The following CDH12 variants were observed in gnomAD, a reference collection of about 807,000 sequenced individuals.
The protein encoded by CDH12 is cadherin-12.
A neutral mutation model predicts 74.1 loss-of-function variants in CDH12; 41 were observed. The observed-to-expected ratio is 0.55, with a 90% CI of 0.43 to 0.72. The LOEUF is 0.72. Ranked by LOEUF, CDH12 falls within the 30% of genes least tolerant of loss-of-function variation. CDH12 has a pLI of 0.00. For missense variants in CDH12, 945 were observed against 977.2 expected (o/e 0.97, Z 0.44); for synonymous variants, 399 against 355.0 (o/e 1.12, Z -1.39).
chr5:22,380,242 A>C (rs1454470461), intron 3 of CDH12, among the ~76,000 whole-genome samples: 1 of 152,220 alleles, frequency 6.6e-6, no homozygotes, highest in Non-Finnish European at 1.5e-5. Context: ...CTTAAGCTAC[A>C]TTTAAAAAAT....
In CDH12 at chr5:21,750,924, T is replaced by A. The variant is rs1336776902; in HGVS notation, c.*813A>T. 1 of 148,696 alleles carries A rather than the reference T, an allele frequency of 6.7e-6. No individual in the cohort carries two copies. Among genetic ancestry groups the A allele is most frequent in the Non-Finnish European group, 1.5e-5 (1 of 67,372 alleles). 9.2% of individuals were successfully genotyped at this position (148,696 alleles called of 1,614,324 possible). On this transcript the variant is annotated 3_prime_UTR_variant, in exon 15 of 15. Coordinates refer to ENST00000382254, the MANE Select transcript of CDH12 (RefSeq NM_004061.5). Reference sequence around the variant, plus strand: ...TGTAATTTGAGCCCTGAGGCCTCTCTTTATAAAGAGGAATATTTTTTCTTT... The same window carrying A: ...TGTAATTTGAGCCCTGAGGCCTCTCATTATAAAGAGGAATATTTTTTCTTT...
At chr5:21,791,493 A>C (rs1746495441) in intron 10 of CDH12, among the ~76,000 whole-genome samples, 1 of 152,006 alleles carries the variant, frequency 6.6e-6, no homozygotes, top group South Asian at 2.1e-4. Context: ...ACAGTATAAC[A>C]TGAACTGTGT....
At chr5:22,835,091 T>G (rs1736766197) in intron 1 of CDH12, among the ~76,000 whole-genome samples, 1 of 152,158 alleles carries the variant, frequency 6.6e-6, no homozygotes, top group Non-Finnish European at 1.5e-5. Flanking sequence ...GAGAAGGATT[T>G]CGAAGATGTC....
At chr5:22,207,903 G>A (rs1192538699) in intron 4 of CDH12, among the ~76,000 whole-genome samples, 1 of 152,118 alleles carries the variant, frequency 6.6e-6, no homozygotes, top group Non-Finnish European at 1.5e-5. Flanking sequence ...TAATAATAAG[G>A]TTCCCTATTT....
At chr5:22,720,482 A>T (rs140006738) in intron 1 of CDH12, among the ~76,000 whole-genome samples, 147 of 152,274 alleles carry the variant, frequency 9.7e-4, no homozygotes, top group Non-Finnish European at 1.4e-3. Flanking sequence ...ATGAACTAAT[A>T]TCGGAAATTG....
intron 1 of CDH12, among the ~76,000 whole-genome samples, chr5:22,834,137 T>A (rs1367292480): frequency 6.6e-6 from 1 of 152,180 alleles, no homozygotes; most frequent in Non-Finnish European, 1.5e-5. Context: ...ATTCATTAGC[T>A]AAACCTCTTT....
intron 3 of CDH12, among the ~76,000 whole-genome samples, chr5:22,367,041 CA>C (rs1443735704): frequency 2.0e-5 from 3 of 152,058 alleles, no homozygotes; most frequent in East Asian, 1.9e-4. Flanking sequence ...AGTATTTGTG[CA>C]AAAAATATGT....
In CDH12 at chr5:22,117,383, C is replaced by T. The variant is rs1218197926; in HGVS notation, c.-186-38521G>A. Among the ~76,000 whole-genome samples, 5 of 137,396 alleles carry T rather than the reference C, an allele frequency of 3.6e-5. No individual in the cohort carries two copies. In the South Asian group the frequency reaches 8.9e-4, roughly 25 times the overall value. The allele number at this position is 137,396 out of a possible 152,430, so 90.1% of individuals were successfully genotyped here. A position where few individuals can be genotyped will look rare whatever the true frequency, so the allele number is the denominator to read the frequency against. ...AAAATCAAGTTATGAAATGTGTGCT[C>T]CAGAATCCATGCACTATTCTATTCC... is the stretch of plus-strand genomic sequence containing the variant. On this transcript the variant is annotated intron_variant, in intron 4 of 14. Transcript: ENST00000382254.
At chr5:21,844,728 C>T (rs1750062785) in intron 7 of CDH12, among the ~76,000 whole-genome samples, 1 of 152,010 alleles carries the variant, frequency 6.6e-6, no homozygotes, top group Admixed American at 6.6e-5. Context: ...TAACTGGATC[C>T]CAGTGGATAG....
chr5:22,828,785 G>A (rs371729372), intron 1 of CDH12, among the ~76,000 whole-genome samples: 1 of 152,222 alleles, frequency 6.6e-6, no homozygotes. Flanking sequence ...CAATATGACA[G>A]GAATGATGTA....
At chr5:22,094,045 A>C (rs1743595316) in intron 4 of CDH12, among the ~76,000 whole-genome samples, 1 of 152,140 alleles carries the variant, frequency 6.6e-6, no homozygotes, top group African/African-American at 2.4e-5. Flanking sequence ...GCAGCATATA[A>C]ATCCTCTAAA....
At chr5:21,882,119 A>G (rs1752383390) in intron 6 of CDH12, among the ~76,000 whole-genome samples, 1 of 152,232 alleles carries the variant, frequency 6.6e-6, no homozygotes, top group South Asian at 2.1e-4. Flanking sequence ...GGTTTCAGTA[A>G]TACCATTTTA....
intron 3 of CDH12, among the ~76,000 whole-genome samples, chr5:22,250,230 A>C (rs1218796315): frequency 6.6e-6 from 1 of 152,156 alleles, no homozygotes; most frequent in Non-Finnish European, 1.5e-5. Flanking sequence ...AAGGAAAAAA[A>C]CCCACATACT....
chr5:22,176,482 C>T (rs1749344771), intron 4 of CDH12, among the ~76,000 whole-genome samples: 2 of 152,028 alleles, frequency 1.3e-5, no homozygotes, highest in Non-Finnish European at 2.9e-5. Flanking sequence ...CTGCCTTCCT[C>T]ACCTAAATAA....
At chr5:21,778,866 T>G (rs1745748781) in intron 11 of CDH12, among the ~76,000 whole-genome samples, 2 of 152,124 alleles carry the variant, frequency 1.3e-5, no homozygotes, top group African/African-American at 4.8e-5. Flanking sequence ...AAATTTGATT[T>G]TCTGTACATA....
At chr5:22,105,997 A>G (rs1744418948) in intron 4 of CDH12, among the ~76,000 whole-genome samples, 1 of 152,126 alleles carries the variant, frequency 6.6e-6, no homozygotes, top group Non-Finnish European at 1.5e-5. Context: ...CCAGGTTGGT[A>G]TATGTCCTAT....
At chr5:21,929,327 A>G (rs992010171) in intron 6 of CDH12, among the ~76,000 whole-genome samples, 2 of 151,818 alleles carry the variant, frequency 1.3e-5, no homozygotes, top group African/African-American at 2.4e-5. Flanking sequence ...GTATAGAATC[A>G]GTGGAATCCT....
chr5:22,425,858 G>A (rs1269505561), intron 2 of CDH12, among the ~76,000 whole-genome samples: 5 of 152,072 alleles, frequency 3.3e-5, no homozygotes, highest in Non-Finnish European at 7.4e-5. Context: ...TCAGACACAG[G>A]TTCACATGTT....
At chr5:22,357,926 A>C (rs1283223943) in intron 3 of CDH12, among the ~76,000 whole-genome samples, 1 of 152,172 alleles carries the variant, frequency 6.6e-6, no homozygotes, top group East Asian at 1.9e-4. Flanking sequence ...TAACCTTATA[A>C]AAATTCATGA....
Sources: allele counts gnomAD v4.1 joint callset (sites outside exome capture counted in the v4.1 genomes callset), GRCh38; gene constraint gnomAD v4.1.1; transcripts MANE v1.5; gene names NCBI Gene and HGNC (gene_info 2026-07-23, HGNC 2026-07-21).